CEP85L: variants seen among roughly 807,000 people sequenced by gnomAD.
The protein encoded by CEP85L is centrosomal protein 85L.
In CEP85L, 60 loss-of-function variants were observed where a neutral mutation model predicts 100.3. The ratio of observed to expected loss-of-function variants is 0.60; its 90% CI spans 0.49 to 0.74. CEP85L has a LOEUF of 0.74. Ranked by LOEUF, CEP85L falls within the 30% of genes least tolerant of loss-of-function variation. The pLI is 0.00. For missense variants in CEP85L, 973 were observed against 936.2 expected (o/e 1.04, Z -0.51); for synonymous variants, 319 against 322.7 (o/e 0.99, Z 0.12).
chr6:118,656,860 C>T (rs996136011), upstream of CEP85L: 1 of 152,200 alleles, frequency 6.6e-6, no homozygotes, highest in Non-Finnish European at 1.5e-5. Flanking sequence ...CAGATATCCC[C>T]AGCCAGTGAC....
chr6:118,642,451 A>C (rs1774938637), intron 1 of CEP85L, among the ~76,000 whole-genome samples: 1 of 152,232 alleles, frequency 6.6e-6, no homozygotes, highest in African/African-American at 2.4e-5. Context: ...AGTAAGAATC[A>C]AGAATAAAGT....
chr6:118,593,393 G>A (rs1265660375), intron 2 of CEP85L, among the ~76,000 whole-genome samples: 2 of 151,242 alleles, frequency 1.3e-5, no homozygotes, highest in East Asian at 1.9e-4. Context: ...AAGAAATATC[G>A]AGCCTGAGGT....
intron 5 of CEP85L, among the ~76,000 whole-genome samples, chr6:118,496,253 T>C (rs2114634632): frequency 6.6e-6 from 1 of 152,208 alleles, no homozygotes. Context: ...TACATGCCCT[T>C]AACCCACATC....
intron 5 of CEP85L, among the ~76,000 whole-genome samples, chr6:118,506,240 C>T (rs1775649681): frequency 6.6e-6 from 1 of 152,136 alleles, no homozygotes; most frequent in African/African-American, 2.4e-5. Context: ...CAGGAGATAA[C>T]TTGGACAGTC....
intron 10 of CEP85L, among the ~76,000 whole-genome samples, chr6:118,473,587 T>C (rs1773129522): frequency 6.6e-6 from 1 of 152,080 alleles, no homozygotes; most frequent in African/African-American, 2.4e-5. Context: ...GAGGATCCAC[T>C]GAAGAGTTCT....
At chr6:118,670,023 T>A (rs960938794) in intron 1 of CEP85L, among the ~76,000 whole-genome samples, 1 of 151,388 alleles carries the variant, frequency 6.6e-6, no homozygotes, top group Non-Finnish European at 1.5e-5. Context: ...AATAGAATTA[T>A]GGATGTGGTA....
chr6:118,481,991 G>T, intron 7 of CEP85L, 58 bp from the exon 8 acceptor site: 2 of 945,046 alleles, frequency 2.1e-6, no homozygotes, highest in East Asian at 3.3e-5. Flanking sequence ...GCTTCTATTA[G>T]AAACTGTTAC....
chr6:118,527,028 T>TTTTA (rs1777012823), intron 3 of CEP85L, among the ~76,000 whole-genome samples: 3 of 137,432 alleles, frequency 2.2e-5, no homozygotes, highest in Non-Finnish European at 4.8e-5. Flanking sequence ...TTTTTTTTTT[T>TTTTA]AATTGAGACG....
rs755494329 is a variant in CEP85L, at chr6:118,481,804, T to C, written c.1720A>G (p.Lys574Glu). 27 of 1,589,550 alleles carry C rather than the reference T, an allele frequency of 1.7e-5. No individual in the cohort carries two copies. The highest frequency in any genetic ancestry group is 2.3e-5 in the Non-Finnish European group (27 of 1,169,276). Residue 574 changes from lysine to glutamate, a missense_variant, in exon 8 of 13, where the codon AAG becomes GAG. Around this residue, in one of 3 missense-constraint regions of CEP85L, gnomAD observed 890 missense variants for 844.5 expected, o/e 1.05. Transcript: ENST00000368491. ...CTCTGAACGGTAGTTACTAACTCCTTTTCTTTCTTTTTCTGGCATATTAAC... is the reference window on the plus strand; with the variant it reads ...CTCTGAACGGTAGTTACTAACTCCTCTTCTTTCTTTTTCTGGCATATTAAC... ...TQLICQKKKE[K>E]ELVTTVQSLQ...
chr6:118,508,419 A>C (rs1440765263), intron 5 of CEP85L, among the ~76,000 whole-genome samples: 1 of 152,140 alleles, frequency 6.6e-6, no homozygotes, highest in Non-Finnish European at 1.5e-5. Flanking sequence ...AGGGTCCTTC[A>C]TATTTGGTTT....
intron 12 of CEP85L, 124 bp from the exon 13 acceptor site, chr6:118,465,692 CAAGTT>C: frequency 2.5e-6 from 2 of 790,174 alleles, no homozygotes; most frequent in Non-Finnish European, 4.0e-6. Flanking sequence ...GGCTCAGGTT[CAAGTT>C]ATGTTTAAAT....
chr6:118,592,952 G>A (rs1272562131), intron 2 of CEP85L, among the ~76,000 whole-genome samples: 1 of 151,690 alleles, frequency 6.6e-6, no homozygotes, highest in Non-Finnish European at 1.5e-5. Flanking sequence ...TTTGGTGTAT[G>A]TTTGAAATTT....
chr6:118,543,738 G>A (rs1332522628), intron 3 of CEP85L, among the ~76,000 whole-genome samples: 1 of 152,174 alleles, frequency 6.6e-6, no homozygotes, highest in Non-Finnish European at 1.5e-5. Context: ...ACATGGCAAT[G>A]GACAGATCAG....
chr6:118,661,887 C>T (rs1008970627), intron 1 of CEP85L, among the ~76,000 whole-genome samples: 29 of 152,176 alleles, frequency 1.9e-4, no homozygotes, highest in African/African-American at 6.3e-4. Flanking sequence ...CGTTGTATCA[C>T]GAAATGACTT....
intron 3 of CEP85L, chr6:118,537,916 C>A: frequency 1.0e-6 from 1 of 984,586 alleles, no homozygotes; most frequent in Non-Finnish European, 1.2e-6. Flanking sequence ...AGATACTCTA[C>A]AAGTGTTTTC....
In CEP85L at chr6:118,632,570, A is replaced by G. The variant is rs892446915; in HGVS notation, c.115T>C (p.Leu39=). Reference sequence around the variant, plus strand: ...GATGGAACAGTTGTGGCCTGCCACAATGATTCATTAGCAGGTAGCCATGCT... The same window carrying G: ...GATGGAACAGTTGTGGCCTGCCACAGTGATTCATTAGCAGGTAGCCATGCT... ...SSAWLPANES[L]WQATTVPSNH... The change falls in exon 2 of 13, where the codon TTG becomes CTG. Residue 39 remains leucine, a synonymous_variant. Transcript: ENST00000368491. The G allele has an allele frequency of 4.3e-6, 7 of 1,612,880 alleles. No individual in the cohort carries two copies. The highest frequency in any genetic ancestry group is 2.2e-5 in the South Asian group (2 of 90,590).
chr6:118,499,335 C>G (rs573566918), intron 5 of CEP85L, among the ~76,000 whole-genome samples: 19 of 152,278 alleles, frequency 1.2e-4, no homozygotes, highest in African/African-American at 4.6e-4. Context: ...GTCAAATCCA[C>G]GAAATGCACT....
intron 2 of CEP85L, among the ~76,000 whole-genome samples, chr6:118,587,539 T>C (rs564274277): frequency 9.9e-5 from 15 of 152,208 alleles, no homozygotes; most frequent in Admixed American, 7.2e-4. Flanking sequence ...GAAGTACCGA[T>C]GGGAGTGGCA....
At chr6:118,567,450 T>C (rs1043091416) in intron 2 of CEP85L, among the ~76,000 whole-genome samples, 2 of 152,006 alleles carry the variant, frequency 1.3e-5, no homozygotes, top group Admixed American at 6.6e-5. Flanking sequence ...TGAATAGTTT[T>C]AGCAGACTAA....
Sources: gnomAD v4.1 joint callset for allele counts (sites outside exome capture counted in the v4.1 genomes callset) on GRCh38, gnomAD v4.1.1 for gene constraint, gnomAD v4.1.1 regional missense constraint, MANE v1.5 for transcripts, NCBI Gene and HGNC (gene_info 2026-07-23, HGNC 2026-07-21) for gene names.